Variants in BRMS1L observed in about 807,000 individuals in gnomAD.
BRMS1L encodes the protein breast cancer metastasis-suppressor 1-like protein.
BRMS1L carries 23 observed loss-of-function variants against 50.3 expected under a neutral mutation model. The observed-to-expected ratio is 0.46, with a 90% CI of 0.33 to 0.65. The LOEUF (loss-of-function observed/expected upper bound fraction) is 0.65, where lower values mean the gene tolerates loss of function less well. BRMS1L is among the 30% of genes least tolerant of loss of function. The pLI is 0.02. For synonymous variants in BRMS1L, 114 were observed against 126.9 expected, an observed-to-expected ratio of 0.90 and a Z score of 0.69; for missense variants, 286 against 386.1, an observed-to-expected ratio of 0.74 and a Z score of 2.17.
At chr14:35,861,744 A>C (rs1182680684) in intron 4 of BRMS1L, among the ~76,000 whole-genome samples, 4 of 152,184 alleles carry the variant, frequency 2.6e-5, no homozygotes, top group Non-Finnish European at 5.9e-5. Context: ...TGCAGCCTAC[A>C]TGGGTGTGGC....
intron 4 of BRMS1L, among the ~76,000 whole-genome samples, chr14:35,855,824 G>T (rs8014810): frequency 0.3 from 46,285 of 151,924 alleles, 9,143 homozygotes; most frequent in African/African-American, 0.56. Flanking sequence ...CTCTGTCATT[G>T]TAATCCTTTC....
In BRMS1L at chr14:35,829,157, G is replaced by A. The variant is rs185948131; in HGVS notation, c.143-2253G>A. Among the ~76,000 whole-genome samples, 525 of 152,138 alleles carry A rather than the reference G, an allele frequency of 3.5e-3. 4 individuals carry two copies. The highest frequency in any genetic ancestry group is 0.012 in the African/African-American group (499 of 41,482). ...GGGTTTTGCCACGTTGGCCAGGCTG[G>A]TCTTGAACTCCTGACTTCAAGTGAT... is the stretch of plus-strand genomic sequence containing the variant. On this transcript the variant is annotated intron_variant, in intron 1 of 9. Coordinates refer to ENST00000216807, the MANE Select transcript of BRMS1L (RefSeq NM_032352.4).
intron 8 of BRMS1L, among the ~76,000 whole-genome samples, chr14:35,867,521 T>G (rs1157309545): frequency 6.6e-6 from 1 of 152,226 alleles, no homozygotes; most frequent in Non-Finnish European, 1.5e-5. Context: ...AAACTCTGCT[T>G]CTTTCGGTAT....
chr14:35,841,433 G>A (rs772141959), intron 4 of BRMS1L, among the ~76,000 whole-genome samples: 18 of 151,886 alleles, frequency 1.2e-4, no homozygotes, highest in Non-Finnish European at 2.5e-4. Context: ...CGAGTAGCTG[G>A]GACTACAGGT....
At chr14:35,867,725 G>A (rs548867959) in intron 8 of BRMS1L, 181 bp from the exon 9 acceptor site, 63 of 417,830 alleles carry the variant, frequency 1.5e-4, no homozygotes, top group Non-Finnish European at 2.2e-4. Flanking sequence ...TAAAAACTTA[G>A]TGATTATGTA....
intron 9 of BRMS1L, among the ~76,000 whole-genome samples, chr14:35,870,132 G>A (rs1456094816): frequency 6.6e-6 from 1 of 151,150 alleles, no homozygotes; most frequent in Non-Finnish European, 1.5e-5. Flanking sequence ...CTAATAGAAA[G>A]TAAATTTTAC....
chr14:35,857,903 T>C (rs2078301586), intron 4 of BRMS1L, among the ~76,000 whole-genome samples: 1 of 151,414 alleles, frequency 6.6e-6, no homozygotes, highest in Admixed American at 6.6e-5. Context: ...GGCCTCCTAA[T>C]GCTGTTTTTT....
At chr14:35,851,558 G>A (rs776396587) in intron 4 of BRMS1L, among the ~76,000 whole-genome samples, 2 of 152,132 alleles carry the variant, frequency 1.3e-5, no homozygotes, top group Non-Finnish European at 2.9e-5. Flanking sequence ...GACAGGAGGA[G>A]GATTAAGATT....
intron 4 of BRMS1L, among the ~76,000 whole-genome samples, chr14:35,862,322 A>T (rs1197780301): frequency 2.6e-5 from 4 of 152,158 alleles, no homozygotes; most frequent in African/African-American, 9.7e-5. Flanking sequence ...TTTATAAAGT[A>T]AATATTTACC....
chr14:35,853,014 CTATA>C (rs548749568), intron 4 of BRMS1L, among the ~76,000 whole-genome samples: 2 of 150,402 alleles, frequency 1.3e-5, no homozygotes, highest in East Asian at 1.9e-4. Context: ...ATCTATCTAT[CTATA>C]TATAGAGAGA....
intron 1 of BRMS1L, among the ~76,000 whole-genome samples, chr14:35,830,653 C>T (rs540755984): frequency 7.2e-5 from 11 of 152,248 alleles, no homozygotes; most frequent in African/African-American, 2.4e-4. Flanking sequence ...CCACCACACC[C>T]GGCCACTTTT....
At chr14:35,852,855 CG>C (rs2078229022) in intron 4 of BRMS1L, among the ~76,000 whole-genome samples, 1 of 151,852 alleles carries the variant, frequency 6.6e-6, no homozygotes, top group East Asian at 1.9e-4. Context: ...GGCGTGAACC[CG>C]GGAGGCGAAG....
At chr14:35,843,939 C>T (rs943254553) in intron 4 of BRMS1L, among the ~76,000 whole-genome samples, 3 of 152,164 alleles carry the variant, frequency 2.0e-5, no homozygotes, top group Non-Finnish European at 2.9e-5. Context: ...GTGGCACTGC[C>T]GTGGGCTCTG....
intron 4 of BRMS1L, among the ~76,000 whole-genome samples, chr14:35,851,754 A>T (rs977668058): frequency 6.6e-6 from 1 of 152,224 alleles, no homozygotes; most frequent in Non-Finnish European, 1.5e-5. Flanking sequence ...GGTGCCTCAG[A>T]AAATTAAAAG....
In BRMS1L at chr14:35,870,480, A is replaced by G. The variant is rs749968158; in HGVS notation, c.*3A>G. On this transcript the variant is annotated 3_prime_UTR_variant, in exon 10 of 10. Transcript: ENST00000216807. ...AATATTCAATTAAACATTCATAATCATGATTTAAGTGTTATCTAAATTTAC... is the reference window on the plus strand; with the variant it reads ...AATATTCAATTAAACATTCATAATCGTGATTTAAGTGTTATCTAAATTTAC... 7.1e-6 allele frequency: 11 copies of G among 1,551,778 alleles called. No individual in the cohort carries two copies. The highest frequency in any genetic ancestry group is 9.7e-6 in the Non-Finnish European group (11 of 1,128,856).
At chr14:35,857,257 A>T (rs556326076) in intron 4 of BRMS1L, among the ~76,000 whole-genome samples, 33 of 143,462 alleles carry the variant, frequency 2.3e-4, no homozygotes, top group African/African-American at 8.2e-4. Flanking sequence ...AAAAATATAT[A>T]TATATATGTA....
chr14:35,826,393 G>A lies in BRMS1L; in HGVS notation c.-124G>A. On this transcript the variant is annotated 5_prime_UTR_variant, in exon 1 of 10. Coordinates refer to ENST00000216807, the MANE Select transcript of BRMS1L (RefSeq NM_032352.4). ...GTTGTGAGGCCCGGGCCGGGGGCGG[G>A]GAGGAGCCAAGGGGGCGAGCAAGCT... 1 of 1,420,912 alleles carries A rather than the reference G, an allele frequency of 7.0e-7. No homozygotes were observed. 88.0% of individuals were successfully genotyped at this position (1,420,912 alleles called of 1,614,324 possible). A position where few individuals can be genotyped will look rare whatever the true frequency, so the allele number is the denominator to read the frequency against.
intron 4 of BRMS1L, among the ~76,000 whole-genome samples, chr14:35,848,368 G>A (rs1276093627): frequency 1.3e-5 from 2 of 151,854 alleles, no homozygotes; most frequent in Admixed American, 1.3e-4. Flanking sequence ...TTTAGAGATG[G>A]GAGTCTTTCT....
intron 4 of BRMS1L, among the ~76,000 whole-genome samples, chr14:35,841,580 A>T (rs1489242191): frequency 6.6e-6 from 1 of 152,188 alleles, no homozygotes; most frequent in East Asian, 1.9e-4. Context: ...TACAGGCGTA[A>T]GCCACCGTGC....
Sources: gnomAD v4.1 joint callset for allele counts (sites outside exome capture counted in the v4.1 genomes callset) on GRCh38, gnomAD v4.1.1 for gene constraint, MANE v1.5 for transcripts, NCBI Gene and HGNC (gene_info 2026-07-23, HGNC 2026-07-21) for gene names.